TPPP: variants seen among roughly 807,000 people sequenced by gnomAD.
The protein encoded by TPPP is tubulin polymerization-promoting protein.
A neutral mutation model predicts 15.5 loss-of-function variants in TPPP; 6 were observed. That is an observed-to-expected ratio of 0.39 (90% CI 0.21 to 0.77). The LOEUF (loss-of-function observed/expected upper bound fraction) is 0.77, where lower values mean the gene tolerates loss of function less well. Ranked by LOEUF, TPPP falls within the 30% of genes least tolerant of loss-of-function variation. The probability of loss-of-function intolerance (pLI) is 0.42; values close to 1 mark genes in which losing one functional copy is unlikely to be tolerated. For missense variants in TPPP, 269 were observed against 307.2 expected (o/e 0.88, Z 0.93); for synonymous variants, 146 against 133.9 (o/e 1.09, Z -0.63).
At chr5:679,538 G>T (rs1740564640) in intron 1 of TPPP, among the ~76,000 whole-genome samples, 1 of 151,960 alleles carries the variant, frequency 6.6e-6, no homozygotes, top group Non-Finnish European at 1.5e-5. Flanking sequence ...GCTTCTCACA[G>T]GCCTGGTCTG....
At chr5:669,166 CAG>C (rs1320589701) in intron 2 of TPPP, among the ~76,000 whole-genome samples, 2 of 152,190 alleles carry the variant, frequency 1.3e-5, no homozygotes, top group Non-Finnish European at 2.9e-5. Context: ...TTTGGGGAGA[CAG>C]AGCCCCAGGG....
chr5:692,206 G>GC (rs1396557062), intron 1 of TPPP, among the ~76,000 whole-genome samples: 6 of 61,106 alleles, frequency 9.8e-5, no homozygotes, highest in Non-Finnish European at 1.7e-4. Flanking sequence ...CAAAACAGCA[G>GC]CCCCCCAACC....
chr5:669,412 C>T (rs1402647703), intron 2 of TPPP, among the ~76,000 whole-genome samples: 1 of 152,164 alleles, frequency 6.6e-6, no homozygotes, highest in Admixed American at 6.5e-5. Flanking sequence ...GCCAGGCCAC[C>T]CCAGGCAGCC....
chr5:663,681 C>G lies in TPPP; in HGVS notation c.*1421G>C, dbSNP rs545141021. On this transcript the variant is annotated 3_prime_UTR_variant, in exon 4 of 4. Transcript: ENST00000360578. Reference sequence around the variant, plus strand: ...AGTGAGGGAGGGGCCTCGCCACCCTCCTGTACTGTGAGCCTGGCCCTGGGC... The same window carrying G: ...AGTGAGGGAGGGGCCTCGCCACCCTGCTGTACTGTGAGCCTGGCCCTGGGC... 6.6e-6 allele frequency: 1 copy of G among 152,506 alleles called. No homozygotes were observed. Among genetic ancestry groups the G allele is most frequent in the Admixed American group, 6.5e-5 (1 of 15,312 alleles). 9.4% of individuals were successfully genotyped at this position (152,506 alleles called of 1,614,324 possible). A position where few individuals can be genotyped will look rare whatever the true frequency, so the allele number is the denominator to read the frequency against.
chr5:666,594 C>T (rs1739925971), intron 2 of TPPP, among the ~76,000 whole-genome samples: 1 of 151,392 alleles, frequency 6.6e-6, no homozygotes, highest in Admixed American at 6.6e-5. Context: ...AGCATGGGCG[C>T]AGGCCCACGC....
intron 2 of TPPP, 152 bp from the exon 3 acceptor site, chr5:666,275 C>T (rs1561080522): frequency 2.3e-6 from 2 of 860,512 alleles, no homozygotes; most frequent in South Asian, 1.8e-5. Context: ...CAAATCCAAA[C>T]TGTCTTGGAA....
chr5:699,469 CAA>C, the TPPP span, among the ~76,000 whole-genome samples: 1 of 151,716 alleles, frequency 6.6e-6, no homozygotes, highest in Admixed American at 6.6e-5. Context: ...AAAGTTAACT[CAA>C]GAGGGATTGA....
the TPPP span, among the ~76,000 whole-genome samples, chr5:698,963 G>C: frequency 5.3e-5 from 8 of 152,088 alleles, no homozygotes; most frequent in African/African-American, 1.9e-4. Context: ...AACCAAGGAA[G>C]TGAAAGATCT....
intron 1 of TPPP, among the ~76,000 whole-genome samples, chr5:684,378 GCCCACGCCGTGT>G (rs1425184017): frequency 9.2e-5 from 14 of 152,214 alleles, no homozygotes; most frequent in Admixed American, 6.5e-5. Context: ...CGCCTCCTGG[GCCCACGCCGTGT>G]GGTCCTGGCC....
intron 2 of TPPP, among the ~76,000 whole-genome samples, chr5:668,437 CAG>C (rs1421594850): frequency 1.6e-5 from 2 of 127,390 alleles, no homozygotes; most frequent in Non-Finnish European, 3.6e-5. Flanking sequence ...TGGGCGCCGT[CAG>C]GGAAGTGCGG....
intron 1 of TPPP, among the ~76,000 whole-genome samples, chr5:686,174 C>A (rs985522208): frequency 1.1e-4 from 16 of 152,320 alleles, no homozygotes; most frequent in Admixed American, 5.2e-4. Flanking sequence ...AACAGAGCAT[C>A]CCAAAAGGGA....
At chr5:677,611 T>G in intron 2 of TPPP, 139 bp downstream of exon 2, 1 of 748,750 alleles carries the variant, frequency 1.3e-6, no homozygotes, top group Non-Finnish European at 2.0e-6. Context: ...ATGTCAGGGC[T>G]GCTTCTGAGA....
At chr5:678,475 C>T (rs1211567124) in intron 1 of TPPP, among the ~76,000 whole-genome samples, 3 of 144,432 alleles carry the variant, frequency 2.1e-5, no homozygotes, top group South Asian at 2.1e-4. Context: ...CCTGTGGACG[C>T]CCGCTCTGCA....
At chr5:673,965 G>A (rs988643360) in intron 2 of TPPP, among the ~76,000 whole-genome samples, 1 of 152,224 alleles carries the variant, frequency 6.6e-6, no homozygotes, top group Non-Finnish European at 1.5e-5. Flanking sequence ...ATGCGGCCAT[G>A]TGCATGCACA....
chr5:679,483 G>C (rs1015705888), intron 1 of TPPP, among the ~76,000 whole-genome samples: 5 of 151,776 alleles, frequency 3.3e-5, no homozygotes, highest in African/African-American at 1.2e-4. Context: ...GCTGGGAACA[G>C]TTTCCAGTTT....
At chr5:678,177 G>A in intron 1 of TPPP, 113 bp from the exon 2 acceptor site, 1 of 1,159,100 alleles carries the variant, frequency 8.6e-7, no homozygotes, top group Non-Finnish European at 1.2e-6. Flanking sequence ...CGAGGGCTGA[G>A]ATGGGCAGGC....
chr5:668,825 C>T (rs970609399), intron 2 of TPPP, among the ~76,000 whole-genome samples: 25 of 152,242 alleles, frequency 1.6e-4, no homozygotes, highest in Admixed American at 3.3e-4. Context: ...TGTGTGCGCA[C>T]GTGGACAGCA....
At position 678,007 on chromosome 5, in the gene TPPP, G is replaced by A. The variant is rs767616841; in HGVS notation, c.54C>T (p.Ser18=). 12 of 1,602,408 alleles carry A rather than the reference G, an allele frequency of 7.5e-6. No homozygotes were observed. In the Admixed American group the frequency reaches 1.7e-4, roughly 23 times the overall value. Residue 18 remains serine, a synonymous_variant, in exon 2 of 4, where the codon TCC becomes TCT. Coordinates refer to ENST00000360578, the MANE Select transcript of TPPP (RefSeq NM_007030.3). ...AKAANRTPPK[S]PGDPSKDRAA... is the part of the protein sequence containing the mutation. ...CCCGGTCCTTCGAGGGGTCCCCCGG[G>A]GACTTGGGGGGCGTCCTGTTGGCAG...
chr5:679,755 T>G (rs1396401269), intron 1 of TPPP, among the ~76,000 whole-genome samples: 1 of 151,732 alleles, frequency 6.6e-6, no homozygotes, highest in African/African-American at 2.4e-5. Context: ...AGACCCTTAT[T>G]CACACACCTC....
Sources: allele counts gnomAD v4.1 joint callset (sites outside exome capture counted in the v4.1 genomes callset), GRCh38; gene constraint gnomAD v4.1.1; transcripts MANE v1.5; gene names NCBI Gene and HGNC (gene_info 2026-07-23, HGNC 2026-07-21).